The following OFD1 variants were observed in gnomAD, a reference collection of about 807,000 sequenced individuals.
OFD1 encodes OFD1 centriole and centriolar satellite protein.
Under a neutral mutation model 81.4 loss-of-function variants are expected in OFD1, and 12 were observed. That is an observed-to-expected ratio of 0.15 (90% CI 0.09 to 0.24). OFD1 has a LOEUF of 0.24. Among genes scored for constraint, OFD1 ranks in the 10% least tolerant of loss-of-function variants. OFD1 has a pLI of 1.00. For missense variants in OFD1, 685 were observed against 733.9 expected (o/e 0.93, Z 0.77); for synonymous variants, 256 against 263.7 (o/e 0.97, Z 0.28).
Position 13,739,997 on chromosome X carries a change from C to T in OFD1, c.412+965C>T, listed in dbSNP as rs778598253. 103 of 907,742 alleles carry T rather than the reference C, an allele frequency of 1.1e-4. No individual in the cohort carries two copies. The Middle Eastern group carries it at 4.2e-3, about 37-fold the overall frequency. The allele number at this position is 907,742 out of a possible 1,213,427, so 74.8% of individuals were successfully genotyped here. A position where few individuals can be genotyped will look rare whatever the true frequency, so the allele number is the denominator to read the frequency against. ...ACCCTTGGATTTTGTCTGTTGCCTG[C>T]ACTATCATCCCCACAAGGACATTCA... On this transcript the variant is annotated intron_variant, in intron 5 of 22. Coordinates refer to ENST00000340096, the MANE Select transcript of OFD1 (RefSeq NM_003611.3).
upstream of OFD1, among the ~76,000 whole-genome samples, chrX:13,730,212 A>C (rs1250700316): frequency 9.1e-6 from 1 of 110,181 alleles, no homozygotes; most frequent in African/African-American, 3.4e-5. Context: ...AAAGAACTCA[A>C]ACAAATTTAT....
chrX:13,759,222 C>T (rs1200536132), intron 15 of OFD1, among the ~76,000 whole-genome samples: 1 of 112,071 alleles, frequency 8.9e-6, no homozygotes, highest in African/African-American at 3.3e-5. Context: ...TGCATTGTTT[C>T]CTCATCAGCT....
In OFD1 at chrX:13,760,553, T is replaced by C. The variant is rs1417624585; in HGVS notation, c.2093T>C (p.Val698Ala). 8.4e-7 allele frequency: 1 copy of C among 1,195,239 alleles called. No homozygotes were observed. Residue 698 changes from valine (V) to alanine (A), a missense_variant, in exon 16 of 23, where the codon GTC (valine) becomes GCC (alanine). Transcript: ENST00000340096. The stretch of plus-strand genomic sequence containing the variant: ...CATATTTTTGGAGAGGACAGAGTTG[T>C]CTCTGAGCAGCCTCAAGTGGGCACA... ...ERHIFGEDRV[V>A]SEQPQVGTLE...
chrX:13,720,077 C>A, the OFD1 span: 1 of 633,438 alleles, frequency 1.6e-6, no homozygotes, highest in Non-Finnish European at 2.3e-6. Context: ...TAAATTTAAA[C>A]CTGACATTGT....
chrX:13,772,182 C>T (rs1364696774), downstream of OFD1: 1 of 112,218 alleles, frequency 8.9e-6, no homozygotes, highest in Non-Finnish European at 1.9e-5. Flanking sequence ...AAAATGAAAT[C>T]TGTTATAAAA....
chrX:13,747,959 T>A (rs1398934268), intron 8 of OFD1, among the ~76,000 whole-genome samples: 5 of 111,457 alleles, frequency 4.5e-5, no homozygotes, highest in Non-Finnish European at 9.4e-5. Flanking sequence ...AGGGCGTGTC[T>A]TAGACCAAAC....
intron 3 of OFD1, among the ~76,000 whole-genome samples, chrX:13,736,961 C>G (rs1227077081): frequency 4.4e-5 from 5 of 112,404 alleles, no homozygotes. Flanking sequence ...TCTATCTTGT[C>G]TAATAAGACT....
chrX:13,768,651 C>G, intron 21 of OFD1, 67 bp from the exon 22 acceptor site: 2 of 847,812 alleles, frequency 2.4e-6, no homozygotes, highest in Non-Finnish European at 3.5e-6. Flanking sequence ...AAAAATGGTT[C>G]TTAAAGTATT....
rs1251148695 is a variant in OFD1 at position 13,768,752 on chromosome X, T to C, written c.2963T>C (p.Val988Ala). ...AAGATGGTCCAAGAAGGCTCCCTAG[T>C]GGACACGCTGCAATCTAGTGACAAA... ...SKKMVQEGSL[V>A]DTLQSSDKVE... Residue 988 changes from valine (V) to alanine (A), a missense_variant, in exon 22 of 23, where the codon GTG (valine) becomes GCG (alanine). Physicochemically the swap from Val to Ala is moderately conservative, Grantham distance 64. Transcript: ENST00000340096. 8.3e-7 allele frequency: 1 copy of C among 1,208,426 alleles called. No individual in the cohort carries two copies. The highest frequency in any genetic ancestry group is 1.8e-5 in the African/African-American group (1 of 57,092).
At chrX:13,752,557 C>A in intron 10 of OFD1, 5 of 359,630 alleles carry the variant, frequency 1.4e-5, no homozygotes, top group Non-Finnish European at 2.1e-5. Context: ...GTATTTTACC[C>A]ACATCTTCTA....
chrX:13,737,956 TCTC>T (rs779324850), intron 3 of OFD1, among the ~76,000 whole-genome samples: 2 of 110,946 alleles, frequency 1.8e-5, no homozygotes, highest in African/African-American at 3.3e-5. Context: ...TTCAAGCAAT[TCTC>T]CTGCCTCAGC....
intron 5 of OFD1, among the ~76,000 whole-genome samples, chrX:13,741,909 A>G (rs1419779918): frequency 9.0e-6 from 1 of 111,446 alleles, no homozygotes; most frequent in Admixed American, 9.5e-5. Context: ...TTAAGGCAGG[A>G]GCTGTTTCAC....
the OFD1 span, among the ~76,000 whole-genome samples, chrX:13,725,315 C>T: frequency 2.6e-4 from 29 of 112,758 alleles, no homozygotes; most frequent in Non-Finnish European, 4.5e-4. Context: ...CCCTGACCCC[C>T]GTATGGCCTA....
rs1464257733 is a variant in OFD1, at chrX:13,734,883, C to T, written c.-189C>T. On this transcript the variant is annotated 5_prime_UTR_variant, in exon 1 of 23. Transcript: ENST00000340096. ...CGAAGAAAGGAAGCTCGCGTGTTTG[C>T]TAGAAAACCTAGTTGGGAGTGCGAG... The T allele has an allele frequency of 1.8e-6, 2 of 1,084,408 alleles. No homozygotes were observed. The highest frequency in any genetic ancestry group is 3.8e-5 in the African/African-American group (2 of 53,198). 89.4% of individuals were successfully genotyped at this position (1,084,408 alleles called of 1,213,427 possible).
chrX:13,717,042 A>G, the OFD1 span, among the ~76,000 whole-genome samples: 2 of 101,227 alleles, frequency 2.0e-5, no homozygotes, highest in East Asian at 6.1e-4. Flanking sequence ...GTTAAAAAAA[A>G]AAAAAAAAAA....
At chrX:13,766,340 C>A (rs1464726427) in intron 19 of OFD1, among the ~76,000 whole-genome samples, 1 of 111,428 alleles carries the variant, frequency 9.0e-6, no homozygotes, top group Non-Finnish European at 1.9e-5. Flanking sequence ...GCCCCTGTTG[C>A]AGCCACAGGA....
At chrX:13,772,949 C>T (rs2048327801), downstream of OFD1, 1 of 1,208,149 alleles carries the variant, frequency 8.3e-7, no homozygotes, top group East Asian at 3.0e-5. Flanking sequence ...TCTTCCTTTG[C>T]TTTGATATCC....
the OFD1 span, among the ~76,000 whole-genome samples, chrX:13,724,400 T>A: frequency 1.8e-4 from 15 of 82,309 alleles, no homozygotes; most frequent in Middle Eastern, 6.2e-3. Flanking sequence ...AATATATATT[T>A]AAAAAAAAAA....
intron 13 of OFD1, 133 bp from the exon 14 acceptor site, chrX:13,757,527 T>C (rs764327623): frequency 1.5e-6 from 1 of 679,431 alleles, no homozygotes; most frequent in East Asian, 3.6e-5. Flanking sequence ...TTTAATAGAA[T>C]TATTATCATA....
Sources: allele counts gnomAD v4.1 joint callset (sites outside exome capture counted in the v4.1 genomes callset), GRCh38; gene constraint gnomAD v4.1.1; transcripts MANE v1.5; gene names NCBI Gene and HGNC (gene_info 2026-07-23, HGNC 2026-07-21).